The following MYCBP2 variants were observed in gnomAD, a reference collection of about 807,000 sequenced individuals.
The protein encoded by MYCBP2 is MYC binding protein 2.
MYCBP2 carries 120 observed loss-of-function variants against 525.3 expected under a neutral mutation model. The ratio of observed to expected loss-of-function variants is 0.23; its 90% CI spans 0.20 to 0.27. The LOEUF is 0.27. Among genes scored for constraint, MYCBP2 ranks in the 10% least tolerant of loss-of-function variants. MYCBP2 has a pLI of 1.00. For missense variants in MYCBP2, 4,149 were observed against 5,657.1 expected (o/e 0.73, Z 8.55); for synonymous variants, 1,894 against 1,955.8 (o/e 0.97, Z 0.83).
chr13:77,064,672 G>C lies in MYCBP2; in HGVS notation c.12615C>G (p.Ala4205=), dbSNP rs1483599197. ...TAAATTCTTCTTCCATCTTGGTCAA[G>C]GCAATGATGGTTTCTGCAATAGCAT... ...TKNAIAETII[A]LTKMEEEFRS... is the part of the protein sequence containing the mutation. Residue 4205 remains alanine, a synonymous_variant, in exon 73 of 83, where the codon GCC becomes GCG. Transcript: ENST00000544440. 2.5e-6 allele frequency: 4 copies of C among 1,613,642 alleles called. No homozygotes were observed. The Admixed American group carries it at 6.7e-5, about 27-fold the overall frequency.
intron 23 of MYCBP2, among the ~76,000 whole-genome samples, chr13:77,210,756 G>A (rs2063903633): frequency 6.6e-6 from 1 of 152,000 alleles, no homozygotes; most frequent in South Asian, 2.1e-4. Flanking sequence ...AATATAAACA[G>A]GATTGATGAC....
chr13:77,184,981 G>A lies in MYCBP2; in HGVS notation c.4719+122C>T, dbSNP rs553518758. 5.2e-4 allele frequency: 508 copies of A among 974,086 alleles called. 3 individuals are homozygous for A. Among genetic ancestry groups the A allele is most frequent in the Middle Eastern group, 8.8e-4 (3 of 3,398 alleles). The allele number at this position is 974,086 out of a possible 1,614,324, so 60.3% of individuals were successfully genotyped here. A position where few individuals can be genotyped will look rare whatever the true frequency, so the allele number is the denominator to read the frequency against. On this transcript the variant is annotated intron_variant, in intron 32 of 82. Transcript: ENST00000544440. ...TTTGCTTATATAAGTCATGTACACC[G>A]AATGATTTCCTAATTTATCTTTTAT...
intron 68 of MYCBP2, among the ~76,000 whole-genome samples, chr13:77,071,379 A>G (rs895146203): frequency 8.5e-5 from 13 of 152,162 alleles, no homozygotes; most frequent in African/African-American, 2.9e-4. Context: ...ACAGGTAAGA[A>G]AACTGAGGTA....
At chr13:77,182,477 A>G (rs1020559320) in intron 32 of MYCBP2, among the ~76,000 whole-genome samples, 1 of 152,256 alleles carries the variant, frequency 6.6e-6, no homozygotes, top group Non-Finnish European at 1.5e-5. Flanking sequence ...AAAATTGTGT[A>G]CACATTACCT....
At chr13:77,318,909 CAACT>C in intron 1 of MYCBP2, among the ~76,000 whole-genome samples, 1 of 152,150 alleles carries the variant, frequency 6.6e-6, no homozygotes. Flanking sequence ...ATCTGTATCA[CAACT>C]AGTAAAAATC....
At chr13:77,129,288 T>C in intron 52 of MYCBP2, 1 of 396,270 alleles carries the variant, frequency 2.5e-6, no homozygotes, top group Non-Finnish European at 4.5e-6. Flanking sequence ...CAGGATATCA[T>C]CTGCAGAAGA....
At chr13:77,200,956 C>T (rs1442001223) in intron 26 of MYCBP2, among the ~76,000 whole-genome samples, 1 of 151,766 alleles carries the variant, frequency 6.6e-6, no homozygotes, top group Non-Finnish European at 1.5e-5. Context: ...ATGTAAAGAC[C>T]ATCGAGACTA....
At chr13:77,105,026 G>A (rs1318169400) in intron 55 of MYCBP2, among the ~76,000 whole-genome samples, 1 of 152,096 alleles carries the variant, frequency 6.6e-6, no homozygotes, top group Non-Finnish European at 1.5e-5. Context: ...TAAAATATCA[G>A]TTAGGAGGGT....
In MYCBP2 at chr13:77,087,490, T is replaced by C. The variant is rs1363046677; in HGVS notation, c.10869A>G (p.Ser3623=). Residue 3623 remains serine (S), a synonymous_variant, in exon 62 of 83, where the codon TCA becomes TCG. Coordinates refer to ENST00000544440, the MANE Select transcript of MYCBP2 (RefSeq NM_015057.5). ...AAACAAAAATTTCATTTACTTGTTC[T>C]GAATTTTCTTTGCTTGTTTTATTTT... ...DEENKTSKEN[S]EQEKDTRVCE... 6.2e-7 allele frequency: 1 copy of C among 1,609,316 alleles called. No homozygotes were observed. The highest frequency in any genetic ancestry group is 8.5e-7 in the Non-Finnish European group (1 of 1,177,196).
At chr13:77,057,181 C>G (rs1258103197) in intron 78 of MYCBP2, 88 bp from the exon 79 acceptor site, 17 of 882,774 alleles carry the variant, frequency 1.9e-5, no homozygotes, top group Non-Finnish European at 2.9e-5. Context: ...CAAGGCACTA[C>G]TTAAAGCAGG....
At chr13:77,179,642 A>G (rs2060029281) in intron 34 of MYCBP2, among the ~76,000 whole-genome samples, 1 of 152,224 alleles carries the variant, frequency 6.6e-6, no homozygotes, top group Non-Finnish European at 1.5e-5. Flanking sequence ...ATATTTTACT[A>G]TAATTTCAAA....
chr13:77,278,931 A>G lies in MYCBP2; in HGVS notation c.595-20T>C. 6 of 1,521,608 alleles carry G rather than the reference A, an allele frequency of 3.9e-6. No individual in the cohort carries two copies. The highest frequency in any genetic ancestry group is 5.3e-6 in the Non-Finnish European group (6 of 1,133,848). The allele number at this position is 1,521,608 out of a possible 1,614,324, so 94.3% of individuals were successfully genotyped here. On this transcript the variant is annotated intron_variant, in intron 3 of 82. Coordinates refer to ENST00000544440, the MANE Select transcript of MYCBP2 (RefSeq NM_015057.5). The stretch of plus-strand genomic sequence containing the variant: ...AATAATCTATTTAAAAGGAAAAAAT[A>G]TATATACTTTATGACATGTAAGCTA...
At chr13:77,135,543 T>C (rs940293145) in intron 52 of MYCBP2, among the ~76,000 whole-genome samples, 2 of 152,214 alleles carry the variant, frequency 1.3e-5, no homozygotes, top group Non-Finnish European at 2.9e-5. Context: ...TACCTGTCCC[T>C]GCCTATGCCA....
chr13:77,260,421 A>G lies in MYCBP2; in HGVS notation c.2017+7T>C, dbSNP rs763469379. On this transcript the variant is annotated splice_region_variant and intron_variant, in intron 13 of 82. Transcript: ENST00000544440. The stretch of plus-strand genomic sequence containing the variant: ...TTGCATAAAAGTAAAACTTTTTATT[A>G]ACTTACTTGAACTATCAGAGTAAAT... The G allele has an allele frequency of 1.3e-5, 20 of 1,543,002 alleles. No individual in the cohort carries two copies.
intron 55 of MYCBP2, chr13:77,109,904 C>CT (rs1433522502): frequency 6.6e-6 from 1 of 152,186 alleles, no homozygotes; most frequent in Non-Finnish European, 1.5e-5. Flanking sequence ...AAATAATACT[C>CT]TTACAGTTTC....
At position 77,151,005 on chromosome 13, in the gene MYCBP2, C is replaced by G. The variant is rs962416414; in HGVS notation, c.6916-56G>C. 203 of 1,370,542 alleles carry G rather than the reference C, an allele frequency of 1.5e-4. 1 individual carries two copies. The highest frequency in any genetic ancestry group is 2.0e-4 in the Non-Finnish European group (193 of 968,082). 84.9% of individuals were successfully genotyped at this position (1,370,542 alleles called of 1,614,324 possible). On this transcript the variant is annotated intron_variant, in intron 46 of 82. Transcript: ENST00000544440. Reference sequence around the variant, plus strand: ...ATTATTATTTAATTGTCACTGACATCAAAATAAGCAACTTACTATTATAAA... The same window carrying G: ...ATTATTATTTAATTGTCACTGACATGAAAATAAGCAACTTACTATTATAAA...
intron 17 of MYCBP2, among the ~76,000 whole-genome samples, chr13:77,240,144 G>C (rs1358230323): frequency 6.6e-6 from 1 of 152,084 alleles, no homozygotes; most frequent in African/African-American, 2.4e-5. Context: ...GCTTAATGGA[G>C]TGCTAAGAAT....
chr13:77,317,229 G>C (rs908444260), intron 1 of MYCBP2, among the ~76,000 whole-genome samples: 2 of 152,210 alleles, frequency 1.3e-5, no homozygotes, highest in Non-Finnish European at 2.9e-5. Flanking sequence ...TGGGATTACA[G>C]GCGTGAGCCA....
Position 77,126,448 on chromosome 13 carries a change from C to A in MYCBP2, c.7754G>T (p.Arg2585Leu). The A allele has an allele frequency of 6.2e-7, 1 of 1,613,924 alleles. No homozygotes were observed. The highest frequency in any genetic ancestry group is 8.5e-7 in the Non-Finnish European group (1 of 1,179,872). The change falls in exon 53 of 83, where the codon CGA becomes CTA. Residue 2585 changes from arginine to leucine, a missense_variant. Arg to Leu is a moderately radical substitution (Grantham distance 102, BLOSUM62 -2). Transcript: ENST00000544440. ...TMQEQDMPFL[R>L]GGPGMYKVVK... Reference sequence around the variant, plus strand: ...TACCTTGTACATGCCTGGCCCTCCTCGCAAGAATGGCATATCTTGTTCTTG... The same window carrying A: ...TACCTTGTACATGCCTGGCCCTCCTAGCAAGAATGGCATATCTTGTTCTTG...
Sources: gnomAD v4.1 joint callset for allele counts (sites outside exome capture counted in the v4.1 genomes callset) on GRCh38, gnomAD v4.1.1 for gene constraint, MANE v1.5 for transcripts, NCBI Gene and HGNC (gene_info 2026-07-23, HGNC 2026-07-21) for gene names.